MCF2L: variants seen among roughly 807,000 people sequenced by gnomAD.
MCF2L encodes guanine nucleotide exchange factor DBS.
In MCF2L, 97 loss-of-function variants were observed where a neutral mutation model predicts 153.4. That is an observed-to-expected ratio of 0.63 (90% confidence interval 0.54 to 0.75). MCF2L has a LOEUF of 0.75. Among genes scored for constraint, MCF2L ranks in the 30% least tolerant of loss-of-function variants. The pLI, the probability that MCF2L is intolerant of heterozygous loss-of-function variation, is 0.00. For synonymous variants in MCF2L, 659 were observed against 632.2 expected (o/e 1.04, Z -0.64); for missense variants, 1,347 against 1,495.2 (o/e 0.90, Z 1.64).
At position 113,064,486 on chromosome 13, in the gene MCF2L, T is replaced by G; in HGVS notation, c.606+66T>G. On this transcript the variant is annotated intron_variant, in intron 6 of 29. Transcript: ENST00000535094. This position sits in a 1 kb window ranked among gnomAD's most constrained non-coding sequence, Gnocchi z 6.0. The stretch of plus-strand genomic sequence containing the variant: ...TCGAGTACTTCCACAGAATCGCTCT[T>G]GCATTACAACACGGCCCTTTCCAAA... 1 of 1,019,758 alleles carries G rather than the reference T, an allele frequency of 9.8e-7. No individual in the cohort carries two copies. The highest frequency in any genetic ancestry group is 2.4e-5 in the East Asian group (1 of 41,878). 63.2% of individuals were successfully genotyped at this position (1,019,758 alleles called of 1,614,324 possible).
chr13:113,094,495 G>C lies in MCF2L; in HGVS notation c.2954-19G>C, dbSNP rs74115797. The C allele has an allele frequency of 1.2e-6, 2 of 1,602,738 alleles. No homozygotes were observed. The highest frequency in any genetic ancestry group is 1.3e-5 in the African/African-American group (1 of 74,668). On this transcript the variant is annotated intron_variant, in intron 26 of 29. Coordinates refer to ENST00000535094, the MANE Select transcript of MCF2L (RefSeq NM_001112732.3). ...GGCTCATCACCGGGGGGTCCCTCAC[G>C]GGTGTCTGTCTCTCTTAGGTTGGAG...
chr13:112,963,120 C>T (rs1236429433), intron 2 of MCF2L, among the ~76,000 whole-genome samples: 1 of 152,188 alleles, frequency 6.6e-6, no homozygotes, highest in Non-Finnish European at 1.5e-5. Flanking sequence ...TCATGCCTGG[C>T]TCGGCTCTGC....
chr13:113,045,100 T>C lies in MCF2L; in HGVS notation c.279-171T>C, dbSNP rs184454623. On this transcript the variant is annotated intron_variant, in intron 3 of 29. Coordinates refer to ENST00000535094, the MANE Select transcript of MCF2L (RefSeq NM_001112732.3). The surrounding 1 kb of genome is among the most constrained non-coding windows in gnomAD (Gnocchi z 4.2). The stretch of plus-strand genomic sequence containing the variant: ...CGTAGATGAGAGCAGGTTCTGGGAC[T>C]GCGGGGATGGGGCTGCCGGGGCCCC... 5 of 918,798 alleles carry C rather than the reference T, an allele frequency of 5.4e-6. No homozygotes were observed. The East Asian group carries it at 1.3e-4, about 24-fold the overall frequency. The allele number at this position is 918,798 out of a possible 1,614,324, so 56.9% of individuals were successfully genotyped here.
At chr13:112,899,896 G>A (rs2081104002) in intron 1 of MCF2L, among the ~76,000 whole-genome samples, 1 of 152,208 alleles carries the variant, frequency 6.6e-6, no homozygotes, top group African/African-American at 2.4e-5. Context: ...AGATCAAGTG[G>A]TTAGGAATGC....
chr13:112,909,477 C>T (rs542802404), intron 2 of MCF2L: 64 of 588,868 alleles, frequency 1.1e-4, no homozygotes, highest in Non-Finnish European at 1.7e-4. Flanking sequence ...GTCAGGAGCG[C>T]ACTTGGGAAG....
chr13:112,923,088 G>T (rs1483335786), intron 2 of MCF2L, among the ~76,000 whole-genome samples: 4 of 152,056 alleles, frequency 2.6e-5, no homozygotes, highest in Non-Finnish European at 4.4e-5. Context: ...GTAGCACAAA[G>T]AATTCTCGTA....
chr13:113,028,212 C>T lies in MCF2L; in HGVS notation c.278+3454C>T, dbSNP rs1292248875. Among the ~76,000 whole-genome samples, 2 of 152,146 alleles carry T rather than the reference C, an allele frequency of 1.3e-5. No individual in the cohort carries two copies. The highest frequency in any genetic ancestry group is 2.1e-4 in the South Asian group (1 of 4,830). ...CCCTTAGCTACCCACATCCCTTTCT[C>T]AAGATTTTTCTAGAATCTGCGGAGT... is the stretch of plus-strand genomic sequence containing the variant. On this transcript the variant is annotated intron_variant, in intron 3 of 29. Transcript: ENST00000535094. The surrounding 1 kb of genome is among the most constrained non-coding windows in gnomAD (Gnocchi z 5.4).
At chr13:113,007,730 T>C (rs923756798) in intron 1 of MCF2L, among the ~76,000 whole-genome samples, 5 of 152,178 alleles carry the variant, frequency 3.3e-5, no homozygotes, top group African/African-American at 1.2e-4. Context: ...GGGAGAGACG[T>C]GACCCACTGG....
At chr13:113,023,383 C>A (rs950948150) in intron 2 of MCF2L, among the ~76,000 whole-genome samples, 1 of 152,212 alleles carries the variant, frequency 6.6e-6, no homozygotes. Flanking sequence ...CTCGGGGGCC[C>A]AGCGTCCCGG....
rs940819586 is a variant in MCF2L at position 112,932,190 on chromosome 13, C to T, written c.169+29819C>T. On this transcript the variant is annotated intron_variant, in intron 2 of 29. Transcript: ENST00000375608. The surrounding 1 kb of genome is among the most constrained non-coding windows in gnomAD (Gnocchi z 4.6). ...TGAGCCAGGCAATCGAGGTCAGCAC[C>T]GATGGCGACCAGGCGTGTAGACTCG... Among the ~76,000 whole-genome samples the T allele has an allele frequency of 6.6e-5, 10 of 152,138 alleles. No individual in the cohort carries two copies. The highest frequency in any genetic ancestry group is 3.3e-4 in the Admixed American group (5 of 15,270).
intron 1 of MCF2L, among the ~76,000 whole-genome samples, chr13:113,014,295 G>A (rs1052367441): frequency 6.6e-6 from 1 of 152,244 alleles, no homozygotes; most frequent in African/African-American, 2.4e-5. Flanking sequence ...TGTGTGCGGA[G>A]GCAGAGGCCC....
intron 26 of MCF2L, 41 bp from the exon 27 acceptor site, chr13:113,094,473 T>A (rs1331339542): frequency 5.1e-6 from 8 of 1,579,438 alleles, no homozygotes; most frequent in Non-Finnish European, 6.9e-6. Context: ...AGACAGCGGC[T>A]CATCACCGGG....
At chr13:113,003,843 G>A (rs1045295653) in intron 1 of MCF2L, among the ~76,000 whole-genome samples, 3 of 152,198 alleles carry the variant, frequency 2.0e-5, no homozygotes, top group African/African-American at 7.2e-5. Context: ...CTTGCCACCT[G>A]TGGGTGACCT....
intron 2 of MCF2L, among the ~76,000 whole-genome samples, chr13:113,015,683 G>A (rs1289152948): frequency 2.0e-5 from 3 of 152,344 alleles, no homozygotes; most frequent in African/African-American, 7.2e-5. Flanking sequence ...ACTGCGAGGT[G>A]CAGCTGGTGA....
chr13:113,095,503 T>C, intron 27 of MCF2L: 9 of 1,057,748 alleles, frequency 8.5e-6, no homozygotes, highest in Non-Finnish European at 1.0e-5. Context: ...TCATTCTTTG[T>C]GGGGTGTGGG....
chr13:113,026,627 A>G (rs1430113265), intron 3 of MCF2L, among the ~76,000 whole-genome samples: 1 of 152,194 alleles, frequency 6.6e-6, no homozygotes, highest in African/African-American at 2.4e-5. Flanking sequence ...CGAGGAGCCC[A>G]TCTGCACGGG....
intron 2 of MCF2L, among the ~76,000 whole-genome samples, chr13:112,911,411 C>T (rs1232146037): frequency 6.6e-6 from 1 of 152,200 alleles, no homozygotes; most frequent in East Asian, 1.9e-4. Context: ...CCTGGGAGAG[C>T]GGCCCAGCCG....
intron 2 of MCF2L, among the ~76,000 whole-genome samples, chr13:112,915,410 C>CACAAAAAAAAAAAAAAAAAAAAA (rs1555349857): frequency 3.5e-5 from 3 of 86,922 alleles, no homozygotes; most frequent in African/African-American, 1.6e-4. Context: ...CTCTGTCTCA[C>CACAAAAAAAAAAAAAAAAAAAAA]AAAAAAAAAA....
Position 113,062,675 on chromosome 13 carries a change from A to G in MCF2L, c.490-1629A>G, listed in dbSNP as rs186231564. On this transcript the variant is annotated intron_variant, in intron 5 of 29. Coordinates refer to ENST00000535094, the MANE Select transcript of MCF2L (RefSeq NM_001112732.3). ...TGATGTGAAGGATGCAGTTGTTGAC[A>G]CGTGTGTGTCCGTGTTTCAGTGCCG... Among the ~76,000 whole-genome samples, 399 of 152,204 alleles carry G rather than the reference A, an allele frequency of 2.6e-3. 5 individuals carry two copies. Among genetic ancestry groups the G allele is most frequent in the Non-Finnish European group, 6.6e-4 (45 of 68,002 alleles).
Sources: gnomAD v4.1 joint callset for allele counts (sites outside exome capture counted in the v4.1 genomes callset) on GRCh38, gnomAD v4.1.1 for gene constraint, Gnocchi (gnomAD v3.1) non-coding constraint, MANE v1.5 for transcripts, NCBI Gene and HGNC (gene_info 2026-07-23, HGNC 2026-07-21) for gene names.